The following PISD variants were observed in gnomAD, a reference collection of about 807,000 sequenced individuals.
PISD encodes the protein phosphatidylserine decarboxylase, also known as phosphatidylserine decarboxylase proenzyme, mitochondrial.
A neutral mutation model predicts 43.5 loss-of-function variants in PISD; 31 were observed. That is an observed-to-expected ratio of 0.71 (90% confidence interval 0.54 to 0.96). PISD has a LOEUF of 0.96. Ranked by LOEUF, PISD falls within the 40% of genes least tolerant of loss-of-function variation. The pLI is 0.00. For missense variants in PISD, 523 were observed against 548.4 expected (o/e 0.95, Z 0.46); for synonymous variants, 259 against 228.7 (o/e 1.13, Z -1.20).
chr22:31,655,315 CCT>C (rs1491192003), intron 1 of PISD, among the ~76,000 whole-genome samples: 2 of 145,394 alleles, frequency 1.4e-5, no homozygotes, highest in African/African-American at 5.4e-5. Flanking sequence ...GGTACAACCC[CCT>C]TTTTTTTTTT....
At chr22:31,623,708 C>A in intron 3 of PISD, 1 of 1,613,990 alleles carries the variant, frequency 6.2e-7, no homozygotes, top group Non-Finnish European at 8.5e-7. Flanking sequence ...TCCATCCCAC[C>A]CGGCTGAGCG....
Position 31,648,243 on chromosome 22 carries a change from G to A in PISD, c.179C>T (p.Thr60Ile). ...GGGCAGGGGACGCAGCAGGAACATG[G>A]TTCGGGCAGGGGCAGTGTGGATTTT... Reference protein sequence around the residue: ...ARKIHTAPARTMFLLRPLPIL... With the variant: ...ARKIHTAPARIMFLLRPLPIL... Residue 60 changes from threonine (T) to isoleucine (I), a missense_variant, in exon 3 of 8, where the codon ACC becomes ATC. By Grantham distance (89) the Thr-to-Ile change is moderately conservative. Coordinates refer to ENST00000439502, the MANE Select transcript of PISD (RefSeq NM_001326411.2). 1 of 1,611,246 alleles carries A rather than the reference G, an allele frequency of 6.2e-7. No individual in the cohort carries two copies. Among genetic ancestry groups the A allele is most frequent in the Non-Finnish European group, 8.5e-7 (1 of 1,179,290 alleles).
chr22:31,625,018 A>G (rs774875497), intron 3 of PISD, among the ~76,000 whole-genome samples: 17 of 152,168 alleles, frequency 1.1e-4, no homozygotes, highest in Non-Finnish European at 2.4e-4. Context: ...GAACGTCCCC[A>G]GGTCTCAGTT....
At chr22:31,625,470 C>T (rs764269508) in intron 3 of PISD, 7 of 541,748 alleles carry the variant, frequency 1.3e-5, no homozygotes, top group Non-Finnish European at 1.7e-5. Flanking sequence ...GTCTGGGCTG[C>T]GAGCAGGGGG....
chr22:31,633,702 G>A (rs149846910), intron 3 of PISD, among the ~76,000 whole-genome samples: 2,145 of 152,096 alleles, frequency 0.014, 17 homozygotes, highest in South Asian at 0.024. Flanking sequence ...GCGACAGAGC[G>A]AGACTCGTCT....
chr22:31,625,692 A>T, intron 3 of PISD: 1 of 1,540,344 alleles, frequency 6.5e-7, no homozygotes, highest in Non-Finnish European at 8.8e-7. Context: ...AGGCCGCTGG[A>T]TGTGAACTCT....
chr22:31,627,018 G>A (rs879685435), intron 3 of PISD, among the ~76,000 whole-genome samples: 13 of 152,258 alleles, frequency 8.5e-5, no homozygotes, highest in Non-Finnish European at 1.6e-4. Flanking sequence ...GTGGTCGCGC[G>A]TGGTTGAACA....
intron 3 of PISD, among the ~76,000 whole-genome samples, chr22:31,643,003 G>A (rs1261130620): frequency 6.6e-6 from 1 of 151,008 alleles, no homozygotes; most frequent in Non-Finnish European, 1.5e-5. Context: ...TTGGGAGGCT[G>A]AAGCAGGAAA....
chr22:31,637,575 G>A (rs1436157233), intron 3 of PISD, among the ~76,000 whole-genome samples: 1 of 151,996 alleles, frequency 6.6e-6, no homozygotes, highest in Admixed American at 6.6e-5. Flanking sequence ...GACCCATTCA[G>A]GCACTCACGC....
chr22:31,628,852 C>G, intron 3 of PISD: 1 of 985,524 alleles, frequency 1.0e-6, no homozygotes, highest in Non-Finnish European at 1.2e-6. Context: ...CAACACCTCA[C>G]CTCTCTTTCC....
At position 31,630,922 on chromosome 22, in the gene PISD, C is replaced by T; in HGVS notation, c.322-9037G>A. The T allele has an allele frequency of 1.1e-6, 1 of 941,956 alleles. No homozygotes were observed. The highest frequency in any genetic ancestry group is 1.8e-5 in the African/African-American group (1 of 56,502). 58.3% of individuals were successfully genotyped at this position (941,956 alleles called of 1,614,324 possible). A position where few individuals can be genotyped will look rare whatever the true frequency, so the allele number is the denominator to read the frequency against. The stretch of plus-strand genomic sequence containing the variant: ...CCACTCAGACTACCAGGGGCGGGGG[C>T]AGGAGGCCGACCCCAGCCACCCTTA... On this transcript the variant is annotated intron_variant, in intron 3 of 7. Transcript: ENST00000439502. This position sits in a 1 kb window ranked among gnomAD's most constrained non-coding sequence, Gnocchi z 4.4.
intron 3 of PISD, chr22:31,629,368 G>A: frequency 4.7e-6 from 1 of 214,632 alleles, no homozygotes; most frequent in Non-Finnish European, 7.7e-6. Flanking sequence ...TGTGTGTAGG[G>A]GGTGTGTAGG....
chr22:31,622,289 C>T (rs1031278847), intron 3 of PISD, among the ~76,000 whole-genome samples: 1 of 152,182 alleles, frequency 6.6e-6, no homozygotes, highest in Non-Finnish European at 1.5e-5. Flanking sequence ...GCATCTTGCC[C>T]GTGGTCACTG....
At position 31,620,966 on chromosome 22, in the gene PISD, C is replaced by G. The variant is rs560091923; in HGVS notation, c.844+30G>C. The G allele has an allele frequency of 1.3e-5, 21 of 1,591,488 alleles. No homozygotes were observed. The East Asian group carries it at 3.8e-4, about 29-fold the overall frequency. On this transcript the variant is annotated intron_variant, in intron 6 of 7. Transcript: ENST00000439502. The stretch of plus-strand genomic sequence containing the variant: ...AGCCTCTATATGAAGCCCACAGAGG[C>G]AGCTCCCCCCACGCTGGCCCCGGGC...
intron 2 of PISD, 108 bp downstream of exon 2, chr22:31,650,591 C>T: frequency 1.6e-6 from 1 of 607,676 alleles, no homozygotes; most frequent in South Asian, 2.2e-5. Context: ...AGGTACTTTC[C>T]ACATACTAAC....
intron 1 of PISD, among the ~76,000 whole-genome samples, chr22:31,661,405 AT>A (rs1444428746): frequency 6.6e-6 from 1 of 151,958 alleles, no homozygotes; most frequent in African/African-American, 2.4e-5. Context: ...ATTTTAATCC[AT>A]TTTCCGACAC....
At chr22:31,622,088 A>G (rs2072617825) in intron 3 of PISD, among the ~76,000 whole-genome samples, 5 of 152,192 alleles carry the variant, frequency 3.3e-5, no homozygotes, top group African/African-American at 1.2e-4. Flanking sequence ...GGAGTGCTGG[A>G]TTTACATACA....
intron 2 of PISD, among the ~76,000 whole-genome samples, chr22:31,648,569 C>G (rs964744749): frequency 6.6e-6 from 1 of 151,626 alleles, no homozygotes; most frequent in Non-Finnish European, 1.5e-5. Context: ...ACTCGGGAGG[C>G]TGAGGCAGAA....
intron 3 of PISD, among the ~76,000 whole-genome samples, chr22:31,624,712 G>GACACACACACACACAC (rs55946723): frequency 5.4e-5 from 6 of 111,904 alleles, no homozygotes; most frequent in African/African-American, 2.1e-4. Context: ...AGCAAAGGTG[G>GACACACACACACACAC]ACACACACAC....
Sources: gnomAD v4.1 joint callset for allele counts (sites outside exome capture counted in the v4.1 genomes callset) on GRCh38, gnomAD v4.1.1 for gene constraint, Gnocchi (gnomAD v3.1) non-coding constraint, MANE v1.5 for transcripts, NCBI Gene and HGNC (gene_info 2026-07-23, HGNC 2026-07-21) for gene names.